The following TMPRSS7 variants were observed in gnomAD, a reference collection of about 807,000 sequenced individuals.
The protein encoded by TMPRSS7 is transmembrane serine protease 7.
Under a neutral mutation model 95.6 loss-of-function variants are expected in TMPRSS7, and 81 were observed. That is an observed-to-expected ratio of 0.85 (90% CI 0.71 to 1.02). TMPRSS7 has a LOEUF of 1.02. Ranked by LOEUF, TMPRSS7 falls within the 50% of genes least tolerant of loss-of-function variation. The pLI, the probability that TMPRSS7 is intolerant of heterozygous loss-of-function variation, is 0.00. For missense variants in TMPRSS7, 945 were observed against 955.2 expected, an observed-to-expected ratio of 0.99 and a Z score of 0.14; for synonymous variants, 364 against 337.8, an observed-to-expected ratio of 1.08 and a Z score of -0.85.
chr3:112,052,569 C>A (rs116015115), intron 9 of TMPRSS7, among the ~76,000 whole-genome samples: 2,344 of 152,036 alleles, frequency 0.015, 56 homozygotes, highest in African/African-American at 0.054. Flanking sequence ...TTCAGGGCAG[C>A]AGAAATGCAG....
chr3:112,038,239 T>C, exon 2 of TMPRSS7: 1 of 702,970 alleles, frequency 1.4e-6, no homozygotes, highest in South Asian at 1.5e-5. Flanking sequence ...CCTTTTGGAA[T>C]GTACAAAATA....
chr3:112,065,350 A>C (rs1416643550), intron 12 of TMPRSS7, among the ~76,000 whole-genome samples: 2 of 152,118 alleles, frequency 1.3e-5, no homozygotes, highest in East Asian at 3.9e-4. Flanking sequence ...TTTATACCTT[A>C]TTTTTTTAAT....
intron 14 of TMPRSS7, 74 bp downstream of exon 14, chr3:112,074,486 T>G (rs750596951): frequency 5.2e-6 from 6 of 1,154,156 alleles, no homozygotes; most frequent in Non-Finnish European, 7.5e-6. Flanking sequence ...TTTCATTCCC[T>G]TCTTGGTGTA....
At chr3:112,045,187 G>A (rs536062179) in intron 4 of TMPRSS7, among the ~76,000 whole-genome samples, 28 of 151,984 alleles carry the variant, frequency 1.8e-4, no homozygotes, top group African/African-American at 3.1e-4. Flanking sequence ...TCGCTCTGTC[G>A]CCCAGGCTGG....
At chr3:112,072,250 T>C (rs58489543) in intron 13 of TMPRSS7, among the ~76,000 whole-genome samples, 1,772 of 152,342 alleles carry the variant, frequency 0.012, 43 homozygotes, top group East Asian at 0.065. Flanking sequence ...CTACTCCAGA[T>C]GCTGTTTTCC....
chr3:112,065,954 C>T (rs1442229869), intron 12 of TMPRSS7, among the ~76,000 whole-genome samples: 1 of 152,112 alleles, frequency 6.6e-6, no homozygotes, highest in Non-Finnish European at 1.5e-5. Flanking sequence ...TGAATTCATT[C>T]AACAAACCTT....
intron 8 of TMPRSS7, 101 bp from the exon 9 acceptor site, chr3:112,050,570 G>A (rs7625159): frequency 0.32 from 129,213 of 397,588 alleles, 19,188 homozygotes; most frequent in Middle Eastern, 0.38. Context: ...AAAGCTTGTC[G>A]ATCAAGGAAG....
exon 15 of TMPRSS7, chr3:112,075,363 G>T: frequency 6.7e-7 from 1 of 1,489,488 alleles, no homozygotes; most frequent in Non-Finnish European, 9.0e-7. Context: ...ATCATCGGAG[G>T]CACAGACACC....
At chr3:112,078,787 T>G in exon 17 of TMPRSS7, 1 of 1,614,226 alleles carries the variant, frequency 6.2e-7, no homozygotes. Context: ...GTAGAGCTCA[T>G]TGATCAAACG....
At chr3:112,075,446 T>A in exon 15 of TMPRSS7, 1 of 1,539,748 alleles carries the variant, frequency 6.5e-7, no homozygotes, top group Non-Finnish European at 8.7e-7. Flanking sequence ...CTCAGTCATC[T>A]CCAGGGAGTG....
At chr3:112,071,164 T>G (rs1274976378) in intron 13 of TMPRSS7, among the ~76,000 whole-genome samples, 1 of 152,224 alleles carries the variant, frequency 6.6e-6, no homozygotes, top group African/African-American at 2.4e-5. Flanking sequence ...CTCTCAGCAT[T>G]TGCTTGTCTG....
intron 14 of TMPRSS7, among the ~76,000 whole-genome samples, chr3:112,074,723 C>T (rs373580992): frequency 8.6e-5 from 13 of 151,952 alleles, no homozygotes; most frequent in East Asian, 5.8e-4. Context: ...GAAACTGGAA[C>T]GCAGTGGATG....
At chr3:112,066,407 C>T (rs775190126) in exon 13 of TMPRSS7, 13 of 1,613,946 alleles carry the variant, frequency 8.1e-6, no homozygotes, top group Non-Finnish European at 1.1e-5. Flanking sequence ...CCTCAACCTG[C>T]CTGCAATACC....
intron 9 of TMPRSS7, among the ~76,000 whole-genome samples, chr3:112,054,994 C>T (rs1028015252): frequency 6.6e-6 from 1 of 152,030 alleles, no homozygotes; most frequent in African/African-American, 2.4e-5. Context: ...CCTCCTGGGC[C>T]TCCCAAAGTG....
At chr3:112,049,418 T>C (rs2073318011) in intron 7 of TMPRSS7, among the ~76,000 whole-genome samples, 1 of 152,238 alleles carries the variant, frequency 6.6e-6, no homozygotes, top group East Asian at 1.9e-4. Flanking sequence ...CATGGCCTTT[T>C]TTTCTGGTAA....
At chr3:112,080,880 A>G (rs747906276) in intron 17 of TMPRSS7, 34 bp from the exon 18 acceptor site, 1 of 1,584,584 alleles carries the variant, frequency 6.3e-7, no homozygotes, top group Admixed American at 1.8e-5. Context: ...CATGGGACCA[A>G]TTTACTTTAT....
intron 11 of TMPRSS7, among the ~76,000 whole-genome samples, chr3:112,062,579 A>T (rs1034732126): frequency 3.3e-5 from 5 of 152,178 alleles, no homozygotes; most frequent in African/African-American, 7.2e-5. Flanking sequence ...TTGAGAGAAC[A>T]TTTCTTTAGA....
intron 15 of TMPRSS7, among the ~76,000 whole-genome samples, chr3:112,076,213 T>C (rs1270795886): frequency 6.6e-6 from 1 of 152,162 alleles, no homozygotes. Context: ...TCACTCCCAC[T>C]CTTTACCCCA....
chr3:112,072,707 C>T (rs533766310), intron 13 of TMPRSS7, among the ~76,000 whole-genome samples: 37 of 152,356 alleles, frequency 2.4e-4, no homozygotes, highest in African/African-American at 8.7e-4. Context: ...CAGGCTGCCG[C>T]CTGGCAGTTG....
Sources: gnomAD v4.1 joint callset for allele counts (sites outside exome capture counted in the v4.1 genomes callset) on GRCh38, gnomAD v4.1.1 for gene constraint, MANE v1.5 for transcripts, NCBI Gene and HGNC (gene_info 2026-07-23, HGNC 2026-07-21) for gene names.